SGCZ: variants seen among roughly 807,000 people sequenced by gnomAD.
SGCZ encodes zeta-sarcoglycan.
SGCZ carries 40 observed loss-of-function variants against 41.3 expected under a neutral mutation model. The observed-to-expected ratio is 0.97, with a 90% CI of 0.75 to 1.26. SGCZ has a LOEUF of 1.26. Ranked by LOEUF, SGCZ falls within the 50% of genes most tolerant of loss-of-function variation. The probability of loss-of-function intolerance (pLI) is 0.00; values close to 1 mark genes in which losing one functional copy is unlikely to be tolerated. For missense variants in SGCZ, 552 were observed against 369.8 expected, an observed-to-expected ratio of 1.49 and a Z score of -4.04; for synonymous variants, 206 against 137.5, an observed-to-expected ratio of 1.50 and a Z score of -3.49.
intron 2 of SGCZ, among the ~76,000 whole-genome samples, chr8:14,459,719 G>C (rs540700174): frequency 5.3e-5 from 8 of 152,244 alleles, no homozygotes; most frequent in Admixed American, 2.0e-4. Context: ...TGTATATTTT[G>C]TAAGTCCTAA....
chr8:14,182,745 A>T (rs1192986380), intron 4 of SGCZ, among the ~76,000 whole-genome samples: 1 of 152,192 alleles, frequency 6.6e-6, no homozygotes, highest in African/African-American at 2.4e-5. Context: ...ATGATGGCTC[A>T]TGCCTATAAT....
chr8:15,104,368 G>T (rs1806734881), intron 1 of SGCZ, among the ~76,000 whole-genome samples: 1 of 152,136 alleles, frequency 6.6e-6, no homozygotes, highest in African/African-American at 2.4e-5. Flanking sequence ...GTAAAGTCAT[G>T]CACACACTGG....
At chr8:14,116,972 C>G (rs777610838) in intron 5 of SGCZ, among the ~76,000 whole-genome samples, 5 of 151,928 alleles carry the variant, frequency 3.3e-5, no homozygotes, top group Non-Finnish European at 7.4e-5. Context: ...CAATTTATAA[C>G]GATTAAAATT....
At chr8:14,235,652 T>G (rs1806729484) in intron 4 of SGCZ, among the ~76,000 whole-genome samples, 2 of 152,168 alleles carry the variant, frequency 1.3e-5, no homozygotes, top group South Asian at 2.1e-4. Flanking sequence ...CTATTGTGTC[T>G]GACAGTGGGC....
At chr8:15,116,971 T>G (rs1316098383) in intron 1 of SGCZ, among the ~76,000 whole-genome samples, 1 of 152,238 alleles carries the variant, frequency 6.6e-6, no homozygotes, top group African/African-American at 2.4e-5. Flanking sequence ...TTATGAATTT[T>G]TATGCCATCA....
In SGCZ at chr8:15,160,180, G is replaced by C. The variant is rs549224312; in HGVS notation, c.39+77405C>G. Among the ~76,000 whole-genome samples, 27 of 152,132 alleles carry C rather than the reference G, an allele frequency of 1.8e-4. 1 individual carries two copies. In the South Asian group the frequency reaches 5.6e-3, roughly 32 times the overall value. ...TCTTTTAAACTGTCTCTGTGAATCTGACTACTCTAGACATCTCAGGGAAGT... is the reference window on the plus strand; with the variant it reads ...TCTTTTAAACTGTCTCTGTGAATCTCACTACTCTAGACATCTCAGGGAAGT... On this transcript the variant is annotated intron_variant, in intron 1 of 7. Transcript: ENST00000382080.
chr8:14,964,196 CT>C (rs1405639584), intron 1 of SGCZ, among the ~76,000 whole-genome samples: 3 of 152,114 alleles, frequency 2.0e-5, no homozygotes, highest in Non-Finnish European at 2.9e-5. Context: ...TTCTTCAAAC[CT>C]TTTTTTCTCT....
intron 1 of SGCZ, among the ~76,000 whole-genome samples, chr8:14,695,565 T>C (rs1808932286): frequency 2.0e-5 from 3 of 152,078 alleles, no homozygotes; most frequent in African/African-American, 7.2e-5. Context: ...GCATTGCATA[T>C]ACAGGTCAGA....
intron 1 of SGCZ, among the ~76,000 whole-genome samples, chr8:14,782,494 C>T (rs1037727355): frequency 6.6e-6 from 1 of 152,024 alleles, no homozygotes; most frequent in Admixed American, 6.5e-5. Context: ...GAATACAAAA[C>T]TCAAAGAAAA....
intron 3 of SGCZ, among the ~76,000 whole-genome samples, chr8:14,259,614 TA>T (rs1225363470): frequency 7.6e-6 from 1 of 131,584 alleles, no homozygotes; most frequent in Non-Finnish European, 1.8e-5. Flanking sequence ...AAAGATCAGA[TA>T]GTTGTAGATA....
intron 1 of SGCZ, among the ~76,000 whole-genome samples, chr8:14,693,633 C>T (rs1263258727): frequency 7.2e-6 from 1 of 138,812 alleles, no homozygotes; most frequent in Non-Finnish European, 1.5e-5. Flanking sequence ...CTCTGTCGCC[C>T]AGGCTGGAGT....
In SGCZ at chr8:15,106,303, G is replaced by T. The variant is rs576886060; in HGVS notation, c.39+131282C>A. 1.1e-4 allele frequency among the ~76,000 whole-genome samples: 17 copies of T among 152,010 alleles called. No individual in the cohort carries two copies. The South Asian group carries it at 3.5e-3, about 32-fold the overall frequency. ...TCAAAAGTGTCACATGCATTTATAA[G>T]ACAAGTTTTGAGAACATTTACATAT... On this transcript the variant is annotated intron_variant, in intron 1 of 7. Transcript: ENST00000382080.
At chr8:14,351,054 CA>C (rs1326400644) in intron 2 of SGCZ, among the ~76,000 whole-genome samples, 1 of 152,102 alleles carries the variant, frequency 6.6e-6, no homozygotes, top group Non-Finnish European at 1.5e-5. Context: ...AACACTTCTG[CA>C]ATACTTCTGT....
intron 2 of SGCZ, among the ~76,000 whole-genome samples, chr8:14,411,575 C>A (rs1366338191): frequency 6.6e-6 from 1 of 152,022 alleles, no homozygotes; most frequent in African/African-American, 2.4e-5. Flanking sequence ...TTCCAAAGTA[C>A]CTCCCCAAAC....
intron 1 of SGCZ, among the ~76,000 whole-genome samples, chr8:14,721,188 T>A (rs1267465904): frequency 1.3e-5 from 2 of 152,178 alleles, no homozygotes; most frequent in Non-Finnish European, 2.9e-5. Context: ...ACCTCTTCTT[T>A]GTTACTAACA....
chr8:14,678,927 C>G (rs1432877372), intron 1 of SGCZ, among the ~76,000 whole-genome samples: 1 of 152,172 alleles, frequency 6.6e-6, no homozygotes, highest in Non-Finnish European at 1.5e-5. Context: ...AGAAGCTAAT[C>G]TGAAAAGCCT....
At chr8:14,158,179 A>G (rs1341795806) in intron 5 of SGCZ, among the ~76,000 whole-genome samples, 5 of 152,266 alleles carry the variant, frequency 3.3e-5, no homozygotes, top group Admixed American at 6.5e-5. Context: ...AAACAAGCCT[A>G]GAGAGATTCA....
intron 1 of SGCZ, among the ~76,000 whole-genome samples, chr8:14,681,111 C>T (rs1025692133): frequency 1.3e-5 from 2 of 151,798 alleles, no homozygotes; most frequent in South Asian, 2.1e-4. Flanking sequence ...ATGGCAAAAA[C>T]AGGCCCACAA....
intron 1 of SGCZ, among the ~76,000 whole-genome samples, chr8:14,851,341 C>A (rs1160769684): frequency 3.0e-5 from 4 of 132,504 alleles, no homozygotes; most frequent in Non-Finnish European, 1.5e-5. Context: ...TGCACTCCAG[C>A]CTGGGCGACA....
Sources: allele counts gnomAD v4.1 joint callset (sites outside exome capture counted in the v4.1 genomes callset), GRCh38; gene constraint gnomAD v4.1.1; transcripts MANE v1.5; gene names NCBI Gene and HGNC (gene_info 2026-07-23, HGNC 2026-07-21).